The following KLHL29 variants were observed in gnomAD, a reference collection of about 807,000 sequenced individuals.
KLHL29 encodes kelch like family member 29, also known as kelch-like protein 29.
Under a neutral mutation model 80.4 loss-of-function variants are expected in KLHL29, and 21 were observed. That is an observed-to-expected ratio of 0.26 (90% confidence interval 0.19 to 0.38). The LOEUF is 0.38. Among genes scored for constraint, KLHL29 ranks in the 10% least tolerant of loss-of-function variants. The probability of loss-of-function intolerance (pLI) is 1.00; values close to 1 mark genes in which losing one functional copy is unlikely to be tolerated. For synonymous variants in KLHL29, 511 were observed against 526.8 expected, an observed-to-expected ratio of 0.97 and a Z score of 0.41; for missense variants, 867 against 1,223.9, an observed-to-expected ratio of 0.71 and a Z score of 4.35.
intron 3 of KLHL29, among the ~76,000 whole-genome samples, chr2:23,607,090 C>A (rs1406900554): frequency 6.6e-6 from 1 of 152,188 alleles, no homozygotes; most frequent in East Asian, 1.9e-4. Context: ...TAATCACTTC[C>A]CTAAGGCTTC....
intron 1 of KLHL29, among the ~76,000 whole-genome samples, chr2:23,429,122 G>A (rs2103407108): frequency 6.6e-6 from 1 of 152,330 alleles, no homozygotes; most frequent in South Asian, 2.1e-4. Context: ...CCCAACACCA[G>A]CCTGCACTTG....
chr2:23,671,178 A>C (rs1219336012), intron 5 of KLHL29, among the ~76,000 whole-genome samples: 2 of 151,548 alleles, frequency 1.3e-5, no homozygotes, highest in Non-Finnish European at 2.9e-5. Context: ...TGGTTCACTA[A>C]TTCTTGCAAA....
intron 2 of KLHL29, among the ~76,000 whole-genome samples, chr2:23,480,742 G>C (rs1311750801): frequency 6.6e-6 from 1 of 152,116 alleles, no homozygotes; most frequent in Non-Finnish European, 1.5e-5. Context: ...CCTGGATCAA[G>C]CCATCCAAAA....
At chr2:23,688,432 C>T (rs1266068936) in intron 6 of KLHL29, among the ~76,000 whole-genome samples, 2 of 152,170 alleles carry the variant, frequency 1.3e-5, no homozygotes, top group African/African-American at 2.4e-5. Context: ...CTCTGAGGTG[C>T]ATGAGGGTGG....
At chr2:23,591,943 G>T (rs913214871) in intron 3 of KLHL29, among the ~76,000 whole-genome samples, 2 of 152,234 alleles carry the variant, frequency 1.3e-5, no homozygotes, top group Non-Finnish European at 2.9e-5. Flanking sequence ...TCTCTTTCCT[G>T]AAGTCTTTCT....
At chr2:23,663,403 C>A (rs1017259622) in intron 5 of KLHL29, among the ~76,000 whole-genome samples, 7 of 152,230 alleles carry the variant, frequency 4.6e-5, no homozygotes, top group Non-Finnish European at 8.8e-5. Flanking sequence ...GGTGGTGACG[C>A]GTCCACTCGG....
At chr2:23,693,552 C>T (rs1275213761) in intron 8 of KLHL29, 24 bp downstream of exon 8, 3 of 1,537,156 alleles carry the variant, frequency 2.0e-6, no homozygotes. Flanking sequence ...TGTCCCCCGC[C>T]CCTTCTCTCT....
chr2:23,550,455 C>T (rs1374330540), intron 2 of KLHL29, among the ~76,000 whole-genome samples: 1 of 152,192 alleles, frequency 6.6e-6, no homozygotes, highest in Non-Finnish European at 1.5e-5. Context: ...AAATCCTGCT[C>T]ACTGAAGTGG....
At chr2:23,524,807 A>G (rs558055851) in intron 2 of KLHL29, among the ~76,000 whole-genome samples, 1 of 152,242 alleles carries the variant, frequency 6.6e-6, no homozygotes, top group Non-Finnish European at 1.5e-5. Context: ...ACATTACAGG[A>G]AAACAAAAGC....
chr2:23,626,010 C>G (rs975022703), intron 3 of KLHL29, among the ~76,000 whole-genome samples: 2 of 152,206 alleles, frequency 1.3e-5, no homozygotes, highest in Admixed American at 1.3e-4. Context: ...GAATGCATTT[C>G]TGTTGTTTAA....
At chr2:23,447,676 G>A (rs562833444) in intron 1 of KLHL29, among the ~76,000 whole-genome samples, 20 of 152,234 alleles carry the variant, frequency 1.3e-4, no homozygotes, top group South Asian at 4.2e-4. Flanking sequence ...TTTCTTATCC[G>A]AAGGGCCCAT....
Position 23,426,742 on chromosome 2 carries a change from G to A in KLHL29, c.-154+40962G>A, listed in dbSNP as rs992203316. Among the ~76,000 whole-genome samples, 5 of 152,326 alleles carry A rather than the reference G, an allele frequency of 3.3e-5. No homozygotes were observed. The East Asian group carries it at 7.7e-4, about 23-fold the overall frequency. On this transcript the variant is annotated intron_variant, in intron 1 of 13. Transcript: ENST00000486442. Reference sequence around the variant, plus strand: ...AGCACTCAGAGCCGTGACTGGGACAGCAAAGGGCCAGGTTGCCAGCTCTTT... The same window carrying A: ...AGCACTCAGAGCCGTGACTGGGACAACAAAGGGCCAGGTTGCCAGCTCTTT...
rs374429828 is a variant in KLHL29 at position 23,623,815 on chromosome 2, G to A, written c.286-15324G>A. ...CCCGGGAGTAGGGTTGTACAGCGTG[G>A]ACTGTGTGAGTGGTTGGCATCTTGT... On this transcript the variant is annotated intron_variant, in intron 3 of 13. Transcript: ENST00000486442. Among the ~76,000 whole-genome samples the A allele has an allele frequency of 7.2e-4, 110 of 152,338 alleles. 1 individual carries two copies. The South Asian group carries it at 0.022, about 30-fold the overall frequency.
intron 5 of KLHL29, among the ~76,000 whole-genome samples, chr2:23,646,694 A>G (rs1372710467): frequency 6.6e-6 from 1 of 152,108 alleles, no homozygotes; most frequent in Non-Finnish European, 1.5e-5. Flanking sequence ...CTATTCTGGC[A>G]CTGGACTTCC....
At chr2:23,465,615 C>T (rs919155802) in intron 1 of KLHL29, among the ~76,000 whole-genome samples, 1 of 152,212 alleles carries the variant, frequency 6.6e-6, no homozygotes, top group Non-Finnish European at 1.5e-5. Context: ...TGGCTTTTCT[C>T]CTGTCCTGTC....
At chr2:23,651,382 T>C (rs1246686236) in intron 5 of KLHL29, among the ~76,000 whole-genome samples, 1 of 152,072 alleles carries the variant, frequency 6.6e-6, no homozygotes, top group African/African-American at 2.4e-5. Context: ...TCTCACTACC[T>C]TGCCCTCCCC....
At chr2:23,583,734 C>T (rs1465222956) in intron 3 of KLHL29, among the ~76,000 whole-genome samples, 1 of 152,196 alleles carries the variant, frequency 6.6e-6, no homozygotes, top group African/African-American at 2.4e-5. Context: ...GGTTATAACC[C>T]TCACAGAAAG....
At chr2:23,593,488 G>A (rs927467919) in intron 3 of KLHL29, among the ~76,000 whole-genome samples, 2 of 152,152 alleles carry the variant, frequency 1.3e-5, no homozygotes, top group Non-Finnish European at 2.9e-5. Context: ...TCTATTCAGT[G>A]CATCTGTTTG....
At chr2:23,575,993 C>T (rs1445545170) in intron 3 of KLHL29, among the ~76,000 whole-genome samples, 1 of 152,230 alleles carries the variant, frequency 6.6e-6, no homozygotes, top group African/African-American at 2.4e-5. Context: ...GCGTCACCAT[C>T]GCCTCTTCCA....
Sources: gnomAD v4.1 joint callset for allele counts (sites outside exome capture counted in the v4.1 genomes callset) on GRCh38, gnomAD v4.1.1 for gene constraint, MANE v1.5 for transcripts, NCBI Gene and HGNC (gene_info 2026-07-23, HGNC 2026-07-21) for gene names.